Variants in MAP3K21 observed in about 807,000 individuals in gnomAD.
MAP3K21 encodes mitogen-activated protein kinase kinase kinase 21, also known as mitogen-activated protein kinase kinase kinase MLK4.
Under a neutral mutation model 86.1 loss-of-function variants are expected in MAP3K21, and 63 were observed. That is an observed-to-expected ratio of 0.73 (90% CI 0.60 to 0.90). The LOEUF (loss-of-function observed/expected upper bound fraction) is 0.90. Ranked by LOEUF, MAP3K21 falls within the 40% of genes least tolerant of loss-of-function variation. The pLI is 0.00. For synonymous variants in MAP3K21, 558 were observed against 564.8 expected (o/e 0.99, Z 0.17); for missense variants, 1,220 against 1,367.7 (o/e 0.89, Z 1.70).
At position 233,371,749 on chromosome 1, in the gene MAP3K21, T is replaced by TTGTGTGTGTGTG. The variant is rs71574858; in HGVS notation, c.1553-265_1553-254dup. On this transcript the variant is annotated intron_variant, in intron 5 of 9. Transcript: ENST00000366624. ...TGATTCGTGGCTTTCATATTTTCCT[T>TTGTGTGTGTGTG]TGTGTGTGTGTGTGTGTGTGTGTGT... Among the ~76,000 whole-genome samples the TTGTGTGTGTGTG allele has an allele frequency of 4.8e-3, 711 of 147,760 alleles. 4 individuals are homozygous for TTGTGTGTGTGTG. Among genetic ancestry groups the TTGTGTGTGTGTG allele is most frequent in the African/African-American group, 0.017 (666 of 39,952 alleles).
Position 233,379,088 on chromosome 1 carries a change from T to TGCGAATGCTGCCACAGTCTCC in MAP3K21, c.2083_2103dup (p.Ala695_Ser701dup), listed in dbSNP as rs772149993. ...CTGAAAGCTGGGAGGAGGCAGCCTC[T>TGCGAATGCTGCCACAGTCTCC]GCGAATGCTGCCACAGTCTCCATTG... On this transcript the variant is annotated inframe_insertion, in exon 9 of 10. Coordinates refer to ENST00000366624, the MANE Select transcript of MAP3K21 (RefSeq NM_032435.3). The TGCGAATGCTGCCACAGTCTCC allele has an allele frequency of 4.0e-5, 64 of 1,614,094 alleles. No homozygotes were observed. The highest frequency in any genetic ancestry group is 5.1e-5 in the Non-Finnish European group (60 of 1,180,036).
chr1:233,341,143 G>A (rs1227567482), intron 1 of MAP3K21, among the ~76,000 whole-genome samples: 1 of 152,182 alleles, frequency 6.6e-6, no homozygotes, highest in Admixed American at 6.5e-5. Flanking sequence ...AACAGTTGTT[G>A]CTAGGATACT....
rs75400631 is a variant in MAP3K21 at position 233,332,178 on chromosome 1, A to T, written c.805+3345A>T. ...GGCCTCAGGGACACTGGCAAGCCAG[A>T]CATCAATGACAACAAATCTGCCATC... On this transcript the variant is annotated intron_variant, in intron 1 of 9. Coordinates refer to ENST00000366624, the MANE Select transcript of MAP3K21 (RefSeq NM_032435.3). 6.0e-3 allele frequency among the ~76,000 whole-genome samples: 909 copies of T among 152,296 alleles called. 19 individuals are homozygous for T. In the East Asian group the frequency reaches 0.063, roughly 11 times the overall value.
chr1:233,380,363 C>T (rs1663891471), intron 9 of MAP3K21, among the ~76,000 whole-genome samples: 1 of 152,166 alleles, frequency 6.6e-6, no homozygotes, highest in African/African-American at 2.4e-5. Context: ...TCATCTGTGT[C>T]CTAATCTCTT....
At chr1:233,352,872 A>T (rs1663276194) in intron 2 of MAP3K21, among the ~76,000 whole-genome samples, 1 of 152,236 alleles carries the variant, frequency 6.6e-6, no homozygotes, top group African/African-American at 2.4e-5. Flanking sequence ...TTTGAAGAAG[A>T]ATAAGAGAAA....
At chr1:233,353,022 G>A (rs1663278926) in intron 2 of MAP3K21, among the ~76,000 whole-genome samples, 1 of 152,132 alleles carries the variant, frequency 6.6e-6, no homozygotes, top group African/African-American at 2.4e-5. Context: ...GTGAAATTCG[G>A]CTCTTCATGG....
rs1663034484 is a variant in MAP3K21 at position 233,341,230 on chromosome 1, A to G, written c.806-5212A>G. Among the ~76,000 whole-genome samples, 3 of 151,960 alleles carry G rather than the reference A, an allele frequency of 2.0e-5. 1 individual carries two copies. The highest frequency in any genetic ancestry group is 4.2e-4 in the South Asian group (2 of 4,804). On this transcript the variant is annotated intron_variant, in intron 1 of 9. Coordinates refer to ENST00000366624, the MANE Select transcript of MAP3K21 (RefSeq NM_032435.3). Reference sequence around the variant, plus strand: ...ACATTAAAATCAGTGGTGACCAGCTAGTGCACTGTGGTTCTTCCTGCGTGA... The same window carrying G: ...ACATTAAAATCAGTGGTGACCAGCTGGTGCACTGTGGTTCTTCCTGCGTGA...
chr1:233,346,217 A>G (rs973160293), intron 1 of MAP3K21, among the ~76,000 whole-genome samples: 2 of 152,206 alleles, frequency 1.3e-5, no homozygotes, highest in Non-Finnish European at 2.9e-5. Flanking sequence ...AAAGAGAACT[A>G]CTCATAAAGA....
Position 233,354,942 on chromosome 1 carries a change from T to C in MAP3K21, c.1242T>C (p.Phe414=). ...AVMTEMPQES[F]HSMQDDWKLE... is the part of the protein sequence containing the mutation. ...TGACTGAGATGCCTCAAGAATCTTT[T>C]CATTCCATGCAAGATGACTGGAAAC... The change falls in exon 4 of 10, where the codon TTT becomes TTC. Residue 414 remains phenylalanine (F), a synonymous_variant. Transcript: ENST00000366624. The C allele has an allele frequency of 6.2e-7, 1 of 1,614,040 alleles. No homozygotes were observed. The highest frequency in any genetic ancestry group is 8.5e-7 in the Non-Finnish European group (1 of 1,179,860).
intron 4 of MAP3K21, among the ~76,000 whole-genome samples, chr1:233,355,921 G>C (rs1663344219): frequency 6.6e-6 from 1 of 152,036 alleles, no homozygotes; most frequent in Non-Finnish European, 1.5e-5. Context: ...GATCAGCCTT[G>C]TTTCCATTGC....
chr1:233,327,901 C>G lies in MAP3K21; in HGVS notation c.-128C>G. 1 of 690,464 alleles carries G rather than the reference C, an allele frequency of 1.4e-6. No homozygotes were observed. The allele number at this position is 690,464 out of a possible 1,614,324, so 42.8% of individuals were successfully genotyped here. ...GCTAGCCCGTGATCTCTGCCGTCAC[C>G]GATCGCGATTCCTACCCCCTCGCCT... On this transcript the variant is annotated 5_prime_UTR_variant, in exon 1 of 10. Coordinates refer to ENST00000366624, the MANE Select transcript of MAP3K21 (RefSeq NM_032435.3).
intron 1 of MAP3K21, among the ~76,000 whole-genome samples, chr1:233,343,968 C>T (rs1663086126): frequency 6.6e-6 from 1 of 152,180 alleles, no homozygotes; most frequent in East Asian, 1.9e-4. Context: ...GGGTGGCAGC[C>T]TCCAGCTGCA....
intron 3 of MAP3K21, among the ~76,000 whole-genome samples, 186 bp from the exon 4 acceptor site, chr1:233,354,650 T>C (rs921448691): frequency 2.0e-5 from 3 of 152,196 alleles, no homozygotes; most frequent in Non-Finnish European, 4.4e-5. Context: ...ATGGACACTA[T>C]GTAAAATAAA....
chr1:233,343,447 C>T (rs781139687), intron 1 of MAP3K21, among the ~76,000 whole-genome samples: 3 of 152,146 alleles, frequency 2.0e-5, no homozygotes, highest in Admixed American at 6.6e-5. Context: ...GGATCCAAAC[C>T]AGGCGGGTTG....
At chr1:233,364,672 T>C (rs949358559) in intron 5 of MAP3K21, among the ~76,000 whole-genome samples, 1 of 152,222 alleles carries the variant, frequency 6.6e-6, no homozygotes, top group Non-Finnish European at 1.5e-5. Context: ...TATTTTTACC[T>C]GAGTTGTTTT....
intron 1 of MAP3K21, among the ~76,000 whole-genome samples, chr1:233,342,560 G>T (rs1347912165): frequency 6.6e-6 from 1 of 152,220 alleles, no homozygotes; most frequent in African/African-American, 2.4e-5. Flanking sequence ...TGCGATTAAA[G>T]TAGCTTGTAC....
At chr1:233,381,532 C>T (rs1459478134) in intron 9 of MAP3K21, among the ~76,000 whole-genome samples, 1 of 152,078 alleles carries the variant, frequency 6.6e-6, no homozygotes, top group Non-Finnish European at 1.5e-5. Context: ...TGCTTTCATC[C>T]TTTTTATCTT....
rs1318391062 is a variant in MAP3K21, at chr1:233,353,408, G to T, written c.987-399G>T. Among the ~76,000 whole-genome samples the T allele has an allele frequency of 3.3e-5, 5 of 152,222 alleles. No homozygotes were observed. In the East Asian group the frequency reaches 7.7e-4, roughly 24 times the overall value. On this transcript the variant is annotated intron_variant, in intron 2 of 9. Transcript: ENST00000366624. ...GATCTCTGTGGGGCTGTGCTCTTTG[G>T]TGTCCTAATAATCCTCAAGAGGTTT...
chr1:233,358,891 C>A (rs1434543639), intron 4 of MAP3K21, among the ~76,000 whole-genome samples: 2 of 152,040 alleles, frequency 1.3e-5, no homozygotes, highest in African/African-American at 2.4e-5. Flanking sequence ...CTCACTGCAA[C>A]CTCCACCTCC....
Sources: gnomAD v4.1 joint callset for allele counts (sites outside exome capture counted in the v4.1 genomes callset) on GRCh38, gnomAD v4.1.1 for gene constraint, MANE v1.5 for transcripts, NCBI Gene and HGNC (gene_info 2026-07-23, HGNC 2026-07-21) for gene names.